The following ARHGAP12 variants were observed in gnomAD, a reference collection of about 807,000 sequenced individuals.
ARHGAP12 encodes Rho GTPase activating protein 12.
In ARHGAP12, 64 loss-of-function variants were observed where a neutral mutation model predicts 108.6. The ratio of observed to expected loss-of-function variants is 0.59; its 90% CI spans 0.48 to 0.73. The LOEUF (loss-of-function observed/expected upper bound fraction) is 0.73. Among genes scored for constraint, ARHGAP12 ranks in the 30% least tolerant of loss-of-function variants. ARHGAP12 has a pLI of 0.00. For synonymous variants in ARHGAP12, 312 were observed against 337.2 expected (o/e 0.93, Z 0.82); for missense variants, 940 against 1,005.9 (o/e 0.93, Z 0.89).
chr10:31,926,851 G>T (rs1174203901), intron 1 of ARHGAP12, among the ~76,000 whole-genome samples: 2 of 151,984 alleles, frequency 1.3e-5, no homozygotes, highest in Admixed American at 1.3e-4. Context: ...GAAACAACTG[G>T]TATTAGCAAA....
At chr10:31,895,207 A>C (rs932909272) in intron 3 of ARHGAP12, among the ~76,000 whole-genome samples, 4 of 152,234 alleles carry the variant, frequency 2.6e-5, no homozygotes, top group African/African-American at 7.2e-5. Flanking sequence ...TTCATGTCTA[A>C]AACACCAAAA....
chr10:31,878,700 T>C (rs985855051), intron 3 of ARHGAP12, among the ~76,000 whole-genome samples: 14 of 152,232 alleles, frequency 9.2e-5, no homozygotes, highest in East Asian at 3.9e-4. Context: ...TGTTTCCATA[T>C]TGGCTATGCA....
At chr10:31,914,680 T>C (rs1170620189) in intron 1 of ARHGAP12, among the ~76,000 whole-genome samples, 1 of 152,204 alleles carries the variant, frequency 6.6e-6, no homozygotes, top group Non-Finnish European at 1.5e-5. Context: ...AACCTTTATA[T>C]ACTGTTGGTG....
chr10:31,906,493 T>G (rs1252132979), intron 3 of ARHGAP12, among the ~76,000 whole-genome samples: 1 of 152,192 alleles, frequency 6.6e-6, no homozygotes, highest in Non-Finnish European at 1.5e-5. Context: ...ATTAACCATG[T>G]GCTCCCCAAA....
intron 3 of ARHGAP12, among the ~76,000 whole-genome samples, chr10:31,883,797 T>C (rs1158970036): frequency 6.6e-6 from 1 of 151,906 alleles, no homozygotes; most frequent in Non-Finnish European, 1.5e-5. Context: ...CTGCAACCTC[T>C]GCATCCTGGG....
At chr10:31,837,244 T>C (rs1477992845) in intron 9 of ARHGAP12, among the ~76,000 whole-genome samples, 1 of 152,232 alleles carries the variant, frequency 6.6e-6, no homozygotes, top group East Asian at 1.9e-4. Context: ...CTTTTCTAGA[T>C]GGACAGATTA....
intron 7 of ARHGAP12, among the ~76,000 whole-genome samples, chr10:31,842,407 C>A (rs1836303510): frequency 6.6e-6 from 1 of 152,038 alleles, no homozygotes; most frequent in African/African-American, 2.4e-5. Context: ...TCCAGAATGT[C>A]ATTCCTTTAA....
At chr10:31,924,779 T>C (rs78636229) in intron 1 of ARHGAP12, among the ~76,000 whole-genome samples, 3,653 of 152,252 alleles carry the variant, frequency 0.024, 159 homozygotes, top group African/African-American at 0.082. Context: ...ATTTTAAATC[T>C]AGGCTTTACC....
chr10:31,811,535 T>C (rs748563547), intron 15 of ARHGAP12, among the ~76,000 whole-genome samples: 10 of 136,680 alleles, frequency 7.3e-5, no homozygotes, highest in Non-Finnish European at 1.6e-4. Context: ...TTCACTTATT[T>C]GCCAGGCTTT....
intron 3 of ARHGAP12, among the ~76,000 whole-genome samples, chr10:31,901,227 A>G (rs1407155782): frequency 6.7e-6 from 1 of 149,814 alleles, no homozygotes; most frequent in African/African-American, 2.5e-5. Flanking sequence ...AAAAAAAAAA[A>G]GAGAAGAAAA....
At chr10:31,901,534 C>CAAAAAAAAAAA (rs61402251) in intron 3 of ARHGAP12, among the ~76,000 whole-genome samples, 1 of 64,280 alleles carries the variant, frequency 1.6e-5, no homozygotes, top group African/African-American at 6.0e-5. Flanking sequence ...AACCTGGTCT[C>CAAAAAAAAAAA]AAAAAAAAAA....
intron 7 of ARHGAP12, among the ~76,000 whole-genome samples, chr10:31,841,823 C>T (rs1592277438): frequency 6.6e-6 from 1 of 152,276 alleles, no homozygotes; most frequent in East Asian, 1.9e-4. Flanking sequence ...AGGTTATACA[C>T]ACTTCATCCC....
At chr10:31,860,716 A>G (rs1837081071) in intron 4 of ARHGAP12, among the ~76,000 whole-genome samples, 1 of 152,206 alleles carries the variant, frequency 6.6e-6, no homozygotes, top group Non-Finnish European at 1.5e-5. Flanking sequence ...AGCCATACTA[A>G]GCCAATAGAG....
At chr10:31,851,846 C>A (rs1353060379) in intron 6 of ARHGAP12, among the ~76,000 whole-genome samples, 1 of 152,144 alleles carries the variant, frequency 6.6e-6, no homozygotes, top group Non-Finnish European at 1.5e-5. Context: ...TAACAACTGA[C>A]ACCACATATT....
Position 31,807,852 on chromosome 10 carries a change from T to G in ARHGAP12, c.2367-20A>C. 1.3e-6 allele frequency: 2 copies of G among 1,486,674 alleles called. No homozygotes were observed. The highest frequency in any genetic ancestry group is 1.4e-5 in the South Asian group (1 of 71,514). The allele number at this position is 1,486,674 out of a possible 1,614,324, so 92.1% of individuals were successfully genotyped here. ...ATAACTCTGAAGGGAAAAAAAGAAG[T>G]TGTTAAAAGAGAAAATAAGAGAGAG... On this transcript the variant is annotated intron_variant, in intron 19 of 19. Transcript: ENST00000344936.
At chr10:31,907,925 T>C (rs1839202616) in intron 3 of ARHGAP12, among the ~76,000 whole-genome samples, 1 of 152,174 alleles carries the variant, frequency 6.6e-6, no homozygotes, top group South Asian at 2.1e-4. Flanking sequence ...GGAAAAAAAG[T>C]TTCCTCACTT....
chr10:31,841,679 G>A (rs765730817), intron 7 of ARHGAP12, among the ~76,000 whole-genome samples: 1 of 152,094 alleles, frequency 6.6e-6, no homozygotes, highest in Non-Finnish European at 1.5e-5. Flanking sequence ...ATGTACAGTG[G>A]GTTAGGTGTA....
In ARHGAP12 at chr10:31,852,533, T is replaced by A; in HGVS notation, c.1154A>T (p.Glu385Val). The change falls in exon 6 of 20, where the codon GAA (glutamate) becomes GTA (valine). Residue 385 changes from glutamate (E) to valine (V), a missense_variant. Glu to Val is a moderately radical substitution (Grantham distance 121). Coordinates refer to ENST00000344936, the MANE Select transcript of ARHGAP12 (RefSeq NM_018287.7). ...YYYSADGSRS[E>V]WELPKYNASS... ...GTTTATTACCTTTGGCAATTCCCAT[T>A]CTGACCGAGATCCGTCTGCACTGTA... The A allele has an allele frequency of 6.2e-7, 1 of 1,612,058 alleles. No homozygotes were observed.
chr10:31,927,445 G>A (rs1438302310), intron 1 of ARHGAP12, among the ~76,000 whole-genome samples: 1 of 152,128 alleles, frequency 6.6e-6, no homozygotes, highest in East Asian at 1.9e-4. Flanking sequence ...GTCTCCCAAG[G>A]TCTAACCTCT....
Sources: gnomAD v4.1 joint callset for allele counts (sites outside exome capture counted in the v4.1 genomes callset) on GRCh38, gnomAD v4.1.1 for gene constraint, MANE v1.5 for transcripts, NCBI Gene and HGNC (gene_info 2026-07-23, HGNC 2026-07-21) for gene names.